Variants in ETS1 observed in about 807,000 individuals in gnomAD.
ETS1 encodes the protein ETS proto-oncogene 1, transcription factor.
ETS1 carries 15 observed loss-of-function variants against 58.6 expected under a neutral mutation model. The ratio of observed to expected loss-of-function variants is 0.26; its 90% CI spans 0.17 to 0.39. The LOEUF (loss-of-function observed/expected upper bound fraction) is 0.39, where lower values mean the gene tolerates loss of function less well. ETS1 is among the 10% of genes least tolerant of loss of function. The probability of loss-of-function intolerance (pLI) is 1.00; values close to 1 mark genes in which losing one functional copy is unlikely to be tolerated. For missense variants in ETS1, 417 were observed against 610.5 expected, an observed-to-expected ratio of 0.68 and a Z score of 3.34; for synonymous variants, 214 against 218.2, an observed-to-expected ratio of 0.98 and a Z score of 0.17.
At chr11:128,480,568 GGAA>G (rs1862457649) in intron 7 of ETS1, 117 bp from the exon 8 acceptor site, 1 of 708,862 alleles carries the variant, frequency 1.4e-6, no homozygotes, top group African/African-American at 1.8e-5. Flanking sequence ...CAGGAAGGAC[GGAA>G]GAAGGGAGAG....
chr11:128,560,050 G>C (rs1292762407), intron 2 of ETS1, among the ~76,000 whole-genome samples: 1 of 151,474 alleles, frequency 6.6e-6, no homozygotes, highest in Non-Finnish European at 1.5e-5. Context: ...TTGCCGAAAG[G>C]ACCTAACAAA....
intron 2 of ETS1, among the ~76,000 whole-genome samples, chr11:128,566,574 G>A (rs985117419): frequency 6.6e-6 from 1 of 152,110 alleles, no homozygotes; most frequent in South Asian, 2.1e-4. Flanking sequence ...ACGAGGTCAG[G>A]AGATCGAGAC....
intron 2 of ETS1, among the ~76,000 whole-genome samples, chr11:128,564,404 A>T (rs1469385581): frequency 6.6e-6 from 1 of 152,188 alleles, no homozygotes; most frequent in Non-Finnish European, 1.5e-5. Flanking sequence ...AAAAATTCTG[A>T]AGCACAGAGG....
intron 3 of ETS1, among the ~76,000 whole-genome samples, chr11:128,524,900 G>T (rs1863770533): frequency 6.6e-6 from 1 of 152,006 alleles, no homozygotes; most frequent in Admixed American, 6.6e-5. Flanking sequence ...TCTATCCCCA[G>T]CACTCACGTC....
At chr11:128,489,037 C>A (rs984049640) in intron 5 of ETS1, among the ~76,000 whole-genome samples, 2 of 152,166 alleles carry the variant, frequency 1.3e-5, no homozygotes, top group Admixed American at 1.3e-4. Flanking sequence ...ATGTTGCAAT[C>A]CAAGAAGCTT....
Position 128,462,450 on chromosome 11 carries a change from G to T in ETS1, c.1369C>A (p.Arg457Ser). 1 of 1,614,136 alleles carries T rather than the reference G, an allele frequency of 6.2e-7. No individual in the cohort carries two copies. The highest frequency in any genetic ancestry group is 8.5e-7 in the Non-Finnish European group (1 of 1,180,018). Residue 457 changes from arginine (R) to serine (S), a missense_variant, in exon 10 of 10, where the codon CGC becomes AGC. This residue lies in a region of ETS1 where 56 missense variants were observed against 156.1 expected (regional missense o/e 0.36). Coordinates refer to ENST00000392668, the MANE Select transcript of ETS1 (RefSeq NM_001143820.2). ...HKTAGKRYVY[R>S]FVCDLQSLLG... ...AGGCTCTGCAGGTCACACACAAAGC[G>T]GTACACGTAGCGTTTCCCCGCTGTC...
At chr11:128,582,098 G>T (rs1169119054) in intron 1 of ETS1, among the ~76,000 whole-genome samples, 1 of 152,168 alleles carries the variant, frequency 6.6e-6, no homozygotes, top group Non-Finnish European at 1.5e-5. Context: ...TATAAAGAGG[G>T]ATTGTGCAAT....
Position 128,529,650 on chromosome 11 carries a change from T to C in ETS1, c.214+26641A>G, listed in dbSNP as rs143226887. ...AACACACATTATTTTACATCACTTC[T>C]TCCAGAACCAGTTCCGTATAAGAGC... On this transcript the variant is annotated intron_variant, in intron 3 of 9. Coordinates refer to ENST00000392668, the MANE Select transcript of ETS1 (RefSeq NM_001143820.2). Among the ~76,000 whole-genome samples, 1,201 of 152,308 alleles carry C rather than the reference T, an allele frequency of 7.9e-3. 9 individuals carry two copies. Among genetic ancestry groups the C allele is most frequent in the African/African-American group, 0.024 (990 of 41,552 alleles).
chr11:128,496,320 C>A (rs1193428700), intron 3 of ETS1, among the ~76,000 whole-genome samples: 4 of 151,864 alleles, frequency 2.6e-5, no homozygotes, highest in African/African-American at 9.7e-5. Context: ...GTTCCAGGGA[C>A]TTCCATTTCC....
At chr11:128,528,740 C>T (rs1029050798) in intron 3 of ETS1, among the ~76,000 whole-genome samples, 10 of 152,192 alleles carry the variant, frequency 6.6e-5, no homozygotes, top group African/African-American at 2.4e-4. Context: ...TGAAGTGAGA[C>T]TCAAATTTGC....
Position 128,573,010 on chromosome 11 carries a change from G to T in ETS1, c.69+52C>A, listed in dbSNP as rs1864667694. The T allele has an allele frequency of 6.3e-6, 9 of 1,427,312 alleles. No homozygotes were observed. The South Asian group carries it at 9.7e-5, about 15-fold the overall frequency. 88.4% of individuals were successfully genotyped at this position (1,427,312 alleles called of 1,614,324 possible). A position where few individuals can be genotyped will look rare whatever the true frequency, so the allele number is the denominator to read the frequency against. On this transcript the variant is annotated intron_variant, in intron 2 of 9. Coordinates refer to ENST00000392668, the MANE Select transcript of ETS1 (RefSeq NM_001143820.2). ...GGTCAGGATACAGGAAGCACAAGGA[G>T]GAGGGGAGAAGATTGTGTGGGCAAA...
intron 3 of ETS1, among the ~76,000 whole-genome samples, chr11:128,520,684 T>C (rs748370010): frequency 3.6e-4 from 55 of 152,174 alleles, no homozygotes; most frequent in Non-Finnish European, 7.1e-4. Context: ...CAGCCTTCTG[T>C]GCACAGCAGC....
chr11:128,500,689 G>A (rs1377586905), intron 3 of ETS1, among the ~76,000 whole-genome samples: 1 of 152,070 alleles, frequency 6.6e-6, no homozygotes, highest in Non-Finnish European at 1.5e-5. Context: ...AAACCACAAT[G>A]AAAAATAAGA....
intron 5 of ETS1, among the ~76,000 whole-genome samples, chr11:128,488,460 G>A (rs1410042954): frequency 1.3e-5 from 2 of 152,120 alleles, no homozygotes; most frequent in Non-Finnish European, 2.9e-5. Flanking sequence ...CTCCCCCAGC[G>A]TCTGTGCCAA....
chr11:128,542,669 A>C (rs988760270), intron 3 of ETS1, among the ~76,000 whole-genome samples: 3 of 152,196 alleles, frequency 2.0e-5, no homozygotes, highest in African/African-American at 7.2e-5. Context: ...AAGAGAGAAG[A>C]TAAAGACAGC....
At chr11:128,474,217 C>A (rs556736880) in intron 8 of ETS1, among the ~76,000 whole-genome samples, 3 of 152,164 alleles carry the variant, frequency 2.0e-5, no homozygotes, top group Non-Finnish European at 4.4e-5. Context: ...TAAACAGCAC[C>A]AGGGTGCAGG....
intron 4 of ETS1, 145 bp downstream of exon 4, chr11:128,490,312 T>C: frequency 1.3e-6 from 1 of 780,732 alleles, no homozygotes; most frequent in Non-Finnish European, 2.1e-6. Flanking sequence ...GTGTCATGAT[T>C]GTCCTAACAG....
intron 3 of ETS1, among the ~76,000 whole-genome samples, chr11:128,518,578 G>A (rs574991198): frequency 6.6e-6 from 1 of 152,312 alleles, no homozygotes; most frequent in East Asian, 1.9e-4. Context: ...CTGCTAAGTG[G>A]CCGAGCTGAG....
chr11:128,469,614 C>A (rs1862130857), intron 8 of ETS1, among the ~76,000 whole-genome samples: 2 of 152,176 alleles, frequency 1.3e-5, no homozygotes, highest in Non-Finnish European at 2.9e-5. Flanking sequence ...AAGGACAAAA[C>A]AGAAAACATC....
Sources: gnomAD v4.1 joint callset for allele counts (sites outside exome capture counted in the v4.1 genomes callset) on GRCh38, gnomAD v4.1.1 for gene constraint, gnomAD v4.1.1 regional missense constraint, MANE v1.5 for transcripts, NCBI Gene and HGNC (gene_info 2026-07-23, HGNC 2026-07-21) for gene names.